The following ABCC8 variants were observed in gnomAD, a reference collection of about 807,000 sequenced individuals.
The protein encoded by ABCC8 is ATP-binding cassette sub-family C member 8.
Under a neutral mutation model 188.0 loss-of-function variants are expected in ABCC8, and 137 were observed. That is an observed-to-expected ratio of 0.73 (90% CI 0.63 to 0.84). The LOEUF (loss-of-function observed/expected upper bound fraction) is 0.84, where lower values mean the gene tolerates loss of function less well. Among genes scored for constraint, ABCC8 ranks in the 40% least tolerant of loss-of-function variants. The pLI is 0.00. For missense variants in ABCC8, 1,750 were observed against 2,072.7 expected (o/e 0.84, Z 3.02); for synonymous variants, 797 against 846.5 (o/e 0.94, Z 1.01).
Position 17,461,845 on chromosome 11 carries a change from T to C in ABCC8, c.580-20A>G, listed in dbSNP as rs1277521547. ...GTATCTCTGTGGGGCACATGGGCCA[T>C]GGGGGATGGGTAAGTCCAACTTCTC... is the stretch of plus-strand genomic sequence containing the variant. On this transcript the variant is annotated intron_variant, in intron 4 of 38. Transcript: ENST00000389817. 3.0e-5 allele frequency: 49 copies of C among 1,613,380 alleles called. No homozygotes were observed. The highest frequency in any genetic ancestry group is 8.8e-5 in the South Asian group (8 of 90,906).
chr11:17,470,747 A>G (rs998253593), intron 2 of ABCC8, among the ~76,000 whole-genome samples: 3 of 152,228 alleles, frequency 2.0e-5, no homozygotes, highest in African/African-American at 7.2e-5. Flanking sequence ...AGGCATTTCC[A>G]AGGTCACTGA....
At chr11:17,447,998 A>G (rs1259998940) in intron 8 of ABCC8, 1 of 181,344 alleles carries the variant, frequency 5.5e-6, no homozygotes, top group African/African-American at 2.4e-5. Flanking sequence ...TACTATTTGT[A>G]ACTTACTCTT....
chr11:17,462,954 T>C (rs1308965890), intron 4 of ABCC8, among the ~76,000 whole-genome samples: 1 of 151,482 alleles, frequency 6.6e-6, no homozygotes. Context: ...GACAAACGAG[T>C]TCATTAGTCT....
intron 10 of ABCC8, among the ~76,000 whole-genome samples, chr11:17,438,577 A>G (rs1956196058): frequency 6.6e-6 from 1 of 152,142 alleles, no homozygotes; most frequent in Admixed American, 6.5e-5. Flanking sequence ...CCCCTTTGTC[A>G]CCTCTACAAA....
rs1954576300 is a variant in ABCC8, at chr11:17,407,059, C to T, written c.2991G>A (p.Trp997Ter). The T allele has an allele frequency of 1.2e-6, 2 of 1,614,106 alleles. No homozygotes were observed. The highest frequency in any genetic ancestry group is 1.7e-6 in the Non-Finnish European group (2 of 1,180,038). ...SMLHQRAEIP[W>*]RACAKYLSSA... ...AGGACAGGTACTTGGCGCAGGCTCGCCATGGGATCTCAGCACGCTGGTGCA... is the reference window on the plus strand; with the variant it reads ...AGGACAGGTACTTGGCGCAGGCTCGTCATGGGATCTCAGCACGCTGGTGCA... Residue 997 changes from tryptophan (W) to a stop codon, truncating the protein, a stop_gained, in exon 25 of 39, where the codon TGG becomes TGA. Transcript: ENST00000389817. LOFTEE classifies it high-confidence loss of function.
chr11:17,435,449 G>C (rs1051337297), intron 10 of ABCC8, among the ~76,000 whole-genome samples: 2 of 152,168 alleles, frequency 1.3e-5, no homozygotes, highest in African/African-American at 4.8e-5. Flanking sequence ...GGCAAAAAAG[G>C]GGAGTTTTTT....
chr11:17,394,374 C>T lies in ABCC8; in HGVS notation c.4437G>A (p.Glu1479=), dbSNP rs899197282. 6.2e-7 allele frequency: 1 copy of T among 1,614,102 alleles called. No individual in the cohort carries two copies. The highest frequency in any genetic ancestry group is 1.3e-5 in the African/African-American group (1 of 74,940). ...GCTGCCTCTGTCCCTGGCTGAAATT[C>T]TCCCCGCCTTCTGTGATGATGGCAT... ...GLDAIITEGG[E]NFSQGQRQLF... Residue 1479 remains glutamate, a synonymous_variant, in exon 37 of 39, where the codon GAG becomes GAA. Transcript: ENST00000389817.
intron 23 of ABCC8, 50 bp downstream of exon 23, chr11:17,408,342 G>C: frequency 6.4e-7 from 1 of 1,559,552 alleles, no homozygotes; most frequent in Non-Finnish European, 8.8e-7. Context: ...GGTTCTAGCA[G>C]AACCTTTGCA....
intron 10 of ABCC8, chr11:17,435,878 A>G (rs75800583): frequency 7.8e-7 from 1 of 1,283,564 alleles, no homozygotes; most frequent in Non-Finnish European, 1.1e-6. Flanking sequence ...GACTTCACGC[A>G]TTCCAAATAA....
intron 16 of ABCC8, among the ~76,000 whole-genome samples, chr11:17,422,553 A>G (rs536031545): frequency 6.6e-6 from 1 of 152,328 alleles, no homozygotes; most frequent in East Asian, 1.9e-4. Flanking sequence ...CATTTGCCCA[A>G]GCTGTTTCCT....
intron 2 of ABCC8, 41 bp from the exon 3 acceptor site, chr11:17,470,263 A>C: frequency 6.2e-7 from 1 of 1,613,194 alleles, no homozygotes; most frequent in Non-Finnish European, 8.5e-7. Context: ...GGGACATGCT[A>C]AGTACTGCAA....
At chr11:17,469,354 A>G (rs949217362) in intron 3 of ABCC8, among the ~76,000 whole-genome samples, 15 of 151,582 alleles carry the variant, frequency 9.9e-5, no homozygotes, top group Admixed American at 9.8e-4. Context: ...CGGCCTCCCA[A>G]AGTGCTGGGG....
At chr11:17,460,457 G>C in intron 6 of ABCC8, 31 bp downstream of exon 6, 2 of 1,613,890 alleles carry the variant, frequency 1.2e-6, no homozygotes, top group Non-Finnish European at 1.7e-6. Flanking sequence ...CCATCTAGAG[G>C]GTGCCTTACC....
rs764389246 is a variant in ABCC8, at chr11:17,395,294, G to A, written c.4308-19C>T. ...GTTAAATCTGGAAGTGGCACAGAAA[G>A]CCCCAGTAGGGAGGGAGCAGGGTCC... On this transcript the variant is annotated intron_variant, in intron 35 of 38. Coordinates refer to ENST00000389817, the MANE Select transcript of ABCC8 (RefSeq NM_000352.6). 4.5e-6 allele frequency: 7 copies of A among 1,563,600 alleles called. No homozygotes were observed. In the Admixed American group the frequency reaches 1.3e-4, roughly 30 times the overall value.
At chr11:17,436,018 TG>T in intron 10 of ABCC8, 1 of 1,284,840 alleles carries the variant, frequency 7.8e-7, no homozygotes, top group Non-Finnish European at 1.1e-6. Flanking sequence ...GATAGTGATG[TG>T]GGGAGATATG....
chr11:17,458,586 C>A (rs1957079082), intron 6 of ABCC8, among the ~76,000 whole-genome samples: 1 of 152,186 alleles, frequency 6.6e-6, no homozygotes, highest in Admixed American at 6.5e-5. Context: ...TCTGGGGTAG[C>A]CTATGGTCAG....
intron 3 of ABCC8, among the ~76,000 whole-genome samples, chr11:17,467,130 A>G (rs1848213053): frequency 6.7e-6 from 1 of 149,178 alleles, no homozygotes; most frequent in South Asian, 2.1e-4. Flanking sequence ...CTGTGGTATG[A>G]CCTTCCAGGT....
chr11:17,404,206 A>C lies in ABCC8; in HGVS notation c.3557+306T>G, dbSNP rs1231421928. 6.6e-6 allele frequency among the ~76,000 whole-genome samples: 1 copy of C among 152,168 alleles called. No homozygotes were observed. Among genetic ancestry groups the C allele is most frequent in the Non-Finnish European group, 1.5e-5 (1 of 68,030 alleles). The stretch of plus-strand genomic sequence containing the variant: ...ACTAGAATGATGCAACCCTCCTGGG[A>C]AGCATGTTGGCAAAATGAATGAAGG... On this transcript the variant is annotated intron_variant, in intron 28 of 38. Coordinates refer to ENST00000389817, the MANE Select transcript of ABCC8 (RefSeq NM_000352.6). This position sits in a 1 kb window ranked among gnomAD's most constrained non-coding sequence, Gnocchi z 4.7.
intron 18 of ABCC8, 166 bp from the exon 19 acceptor site, chr11:17,414,776 C>T: frequency 1.1e-6 from 1 of 887,652 alleles, no homozygotes; most frequent in Non-Finnish European, 1.3e-6. Context: ...TTCCCCCAGG[C>T]AGGTTTGAGA....
Sources: gnomAD v4.1 joint callset for allele counts (sites outside exome capture counted in the v4.1 genomes callset) on GRCh38, gnomAD v4.1.1 for gene constraint, Gnocchi (gnomAD v3.1) non-coding constraint, MANE v1.5 for transcripts, NCBI Gene and HGNC (gene_info 2026-07-23, HGNC 2026-07-21) for gene names.